MIPOL1: variants seen among roughly 807,000 people sequenced by gnomAD.
MIPOL1 encodes the protein mirror-image polydactyly gene 1 protein.
In MIPOL1, 57 loss-of-function variants were observed where a neutral mutation model predicts 60.9. The observed-to-expected ratio is 0.94, with a 90% confidence interval of 0.76 to 1.17. The LOEUF is 1.17. Among genes scored for constraint, MIPOL1 ranks in the 50% most tolerant of loss-of-function variants. The pLI is 0.00. For missense variants in MIPOL1, 551 were observed against 511.6 expected (o/e 1.08, Z -0.74); for synonymous variants, 179 against 168.8 (o/e 1.06, Z -0.47).
chr14:37,442,206 G>T (rs2094259829), intron 11 of MIPOL1, among the ~76,000 whole-genome samples: 1 of 151,264 alleles, frequency 6.6e-6, no homozygotes, highest in Non-Finnish European at 1.5e-5. Flanking sequence ...GCTACTGATT[G>T]TTGTATATTG....
rs901556716 is a variant in MIPOL1, at chr14:37,423,786, A to C, written c.1031+837A>C. On this transcript the variant is annotated intron_variant, in intron 11 of 12. Coordinates refer to ENST00000684589, the MANE Select transcript of MIPOL1 (RefSeq NM_001388067.1). Reference sequence around the variant, plus strand: ...AAAATGCATAAAATGCAATTAAATCAAAATAAGTTTTACTGAAGTACAATT... The same window carrying C: ...AAAATGCATAAAATGCAATTAAATCCAAATAAGTTTTACTGAAGTACAATT... 23 of 152,194 alleles carry C rather than the reference A, an allele frequency of 1.5e-4. 1 individual carries two copies. The highest frequency in any genetic ancestry group is 5.1e-4 in the African/African-American group (21 of 41,468). The allele number at this position is 152,194 out of a possible 1,614,324, so 9.4% of individuals were successfully genotyped here. A position where few individuals can be genotyped will look rare whatever the true frequency, so the allele number is the denominator to read the frequency against.
intron 10 of MIPOL1, among the ~76,000 whole-genome samples, chr14:37,415,721 A>G (rs1000696282): frequency 2.0e-5 from 3 of 152,082 alleles, no homozygotes; most frequent in African/African-American, 4.8e-5. Flanking sequence ...GACTTGGGCC[A>G]TAATTCCTGA....
intron 3 of MIPOL1, among the ~76,000 whole-genome samples, chr14:37,252,670 C>T (rs1284457409): frequency 6.6e-6 from 1 of 151,864 alleles, no homozygotes; most frequent in Admixed American, 6.6e-5. Context: ...ATTTATCTTT[C>T]TCTCTGTTCA....
chr14:37,232,730 A>G (rs1324501613), intron 1 of MIPOL1, among the ~76,000 whole-genome samples: 1 of 151,952 alleles, frequency 6.6e-6, no homozygotes, highest in South Asian at 2.1e-4. Context: ...TTTTTCCTCA[A>G]TTTTTCATAA....
intron 11 of MIPOL1, among the ~76,000 whole-genome samples, chr14:37,489,975 C>A (rs112009535): frequency 6.6e-6 from 1 of 152,188 alleles, no homozygotes; most frequent in Non-Finnish European, 1.5e-5. Flanking sequence ...ATAGCTTGAA[C>A]GCTGTGCTGC....
chr14:37,256,964 C>T (rs1206715446), intron 3 of MIPOL1, among the ~76,000 whole-genome samples: 1 of 151,854 alleles, frequency 6.6e-6, no homozygotes, highest in African/African-American at 2.4e-5. Flanking sequence ...CTAACTCTAA[C>T]AAGGGGCTGA....
intron 7 of MIPOL1, among the ~76,000 whole-genome samples, chr14:37,286,501 C>T (rs1383362541): frequency 6.6e-6 from 1 of 152,082 alleles, no homozygotes; most frequent in African/African-American, 2.4e-5. Context: ...GTTACCTGTA[C>T]AGATAGATAG....
At chr14:37,535,237 A>G (rs1333795859) in intron 12 of MIPOL1, among the ~76,000 whole-genome samples, 2 of 152,166 alleles carry the variant, frequency 1.3e-5, no homozygotes, top group Non-Finnish European at 1.5e-5. Context: ...TGTTTAAAAT[A>G]TAGGTAATTT....
intron 3 of MIPOL1, among the ~76,000 whole-genome samples, chr14:37,255,623 A>G (rs1417982605): frequency 6.6e-6 from 1 of 151,754 alleles, no homozygotes; most frequent in African/African-American, 2.4e-5. Flanking sequence ...TTTCAGATAC[A>G]GTTTTTCTTT....
At chr14:37,347,403 A>G (rs1475457067) in intron 9 of MIPOL1, among the ~76,000 whole-genome samples, 3 of 152,204 alleles carry the variant, frequency 2.0e-5, no homozygotes, top group Non-Finnish European at 2.9e-5. Flanking sequence ...TGAAGATAGA[A>G]TCAAGAATCT....
intron 10 of MIPOL1, among the ~76,000 whole-genome samples, chr14:37,413,788 C>T (rs1172248706): frequency 6.6e-6 from 1 of 152,136 alleles, no homozygotes; most frequent in Non-Finnish European, 1.5e-5. Flanking sequence ...CAAGGCAGTT[C>T]CTAAGACACC....
At chr14:37,202,262 G>C (rs1238639997) in intron 1 of MIPOL1, among the ~76,000 whole-genome samples, 3 of 151,824 alleles carry the variant, frequency 2.0e-5, no homozygotes, top group Admixed American at 6.6e-5. Context: ...GTTTTTTTTA[G>C]TCTTACTTGA....
At chr14:37,239,698 G>A (rs1383533103) in intron 1 of MIPOL1, among the ~76,000 whole-genome samples, 3 of 151,732 alleles carry the variant, frequency 2.0e-5, no homozygotes, top group African/African-American at 7.3e-5. Flanking sequence ...ATCTGTTTTG[G>A]GATCATATTT....
chr14:37,362,214 T>G (rs7149397), intron 9 of MIPOL1, among the ~76,000 whole-genome samples: 147,502 of 152,252 alleles, frequency 0.97, 71,526 homozygotes, highest in East Asian at 1. Flanking sequence ...TCAATGGTCT[T>G]TACAATTTGG....
Position 37,308,466 on chromosome 14 carries a change from A to G in MIPOL1, c.775A>G (p.Thr259Ala). The change falls in exon 9 of 13, where the codon ACT becomes GCT. Residue 259 changes from threonine (T) to alanine (A), a missense_variant. Thr to Ala is a moderately conservative substitution (Grantham distance 58, BLOSUM62 0). Coordinates refer to ENST00000684589, the MANE Select transcript of MIPOL1 (RefSeq NM_001388067.1). ...GACCAAGGAATGTAAAATGAGAATA[A>G]CTGCAGAAGAAATGAGTGCACTAAT... ...YKTKECKMRITAEEMSALIEE... is the reference protein window; with the variant it reads ...YKTKECKMRIAAEEMSALIEE... 1 of 1,603,300 alleles carries G rather than the reference A, an allele frequency of 6.2e-7. No homozygotes were observed. Among genetic ancestry groups the G allele is most frequent in the East Asian group, 2.3e-5 (1 of 44,310 alleles).
At chr14:37,442,239 C>T (rs2899860) in intron 11 of MIPOL1, among the ~76,000 whole-genome samples, 84,880 of 151,786 alleles carry the variant, frequency 0.56, 25,480 homozygotes, top group Non-Finnish European at 0.67. Context: ...GACACTTTAG[C>T]GAAGTTGTTT....
intron 10 of MIPOL1, among the ~76,000 whole-genome samples, chr14:37,370,583 G>T (rs970092719): frequency 8.5e-5 from 13 of 152,082 alleles, no homozygotes; most frequent in African/African-American, 3.1e-4. Flanking sequence ...TGAGGAAAAT[G>T]GTGACATTTT....
chr14:37,254,524 G>C (rs945136078), intron 3 of MIPOL1, among the ~76,000 whole-genome samples: 2 of 151,642 alleles, frequency 1.3e-5, no homozygotes, highest in Non-Finnish European at 3.0e-5. Flanking sequence ...TGAAAGTACA[G>C]AGTGTTCCCA....
chr14:37,303,024 A>C (rs1208023595), intron 7 of MIPOL1, among the ~76,000 whole-genome samples: 1 of 151,968 alleles, frequency 6.6e-6, no homozygotes, highest in Non-Finnish European at 1.5e-5. Flanking sequence ...TTATATTTAC[A>C]TGCAATTTAT....
Sources: gnomAD v4.1 joint callset for allele counts (sites outside exome capture counted in the v4.1 genomes callset) on GRCh38, gnomAD v4.1.1 for gene constraint, MANE v1.5 for transcripts, NCBI Gene and HGNC (gene_info 2026-07-23, HGNC 2026-07-21) for gene names.